The following ZNF566 variants were observed in gnomAD, a reference collection of about 807,000 sequenced individuals.
ZNF566 encodes the protein zinc finger protein 566.
ZNF566 carries 27 observed loss-of-function variants against 32.8 expected under a neutral mutation model. The ratio of observed to expected loss-of-function variants is 0.82; its 90% CI spans 0.61 to 1.14. ZNF566 has a LOEUF of 1.14. ZNF566 is among the 50% of genes most tolerant of loss of function. The probability of loss-of-function intolerance (pLI) is 0.00; values close to 1 mark genes in which losing one functional copy is unlikely to be tolerated. For missense variants in ZNF566, 402 were observed against 490.4 expected (o/e 0.82, Z 1.70); for synonymous variants, 154 against 159.5 (o/e 0.97, Z 0.26).
intron 4 of ZNF566, among the ~76,000 whole-genome samples, chr19:36,455,350 A>C (rs548282909): frequency 2.0e-5 from 3 of 152,230 alleles, no homozygotes; most frequent in Admixed American, 1.3e-4. Flanking sequence ...ATAGTACCAA[A>C]AGTCCTTTTC....
chr19:36,455,467 T>C (rs1251161515), intron 4 of ZNF566, among the ~76,000 whole-genome samples: 2 of 152,106 alleles, frequency 1.3e-5, no homozygotes, highest in Non-Finnish European at 2.9e-5. Flanking sequence ...TATTTGCAAC[T>C]CAGTGTGCTC....
chr19:36,447,574 CTA>C lies in ZNF566; in HGVS notation c.*1401_*1402del, dbSNP rs1257336121. On this transcript the variant is annotated 3_prime_UTR_variant, in exon 5 of 5. Coordinates refer to ENST00000452939, the MANE Select transcript of ZNF566 (RefSeq NM_001145344.1). ...TCAACAGAACCTTTTAAATCTGTAA[CTA>C]TGTTTCTATCTCTGTCCATTTTTTA... The C allele has an allele frequency of 2.0e-5, 3 of 152,144 alleles. No individual in the cohort carries two copies. Among genetic ancestry groups the C allele is most frequent in the Admixed American group, 2.0e-4 (3 of 15,262 alleles). 9.4% of individuals were successfully genotyped at this position (152,144 alleles called of 1,614,324 possible).
intron 4 of ZNF566, among the ~76,000 whole-genome samples, chr19:36,454,048 C>T (rs1010471841): frequency 3.3e-5 from 5 of 152,032 alleles, no homozygotes; most frequent in Admixed American, 3.3e-4. Context: ...TGGTTTCCAA[C>T]TCCTGACCTC....
chr19:36,457,723 C>A (rs1157908955), intron 4 of ZNF566, among the ~76,000 whole-genome samples: 1 of 152,128 alleles, frequency 6.6e-6, no homozygotes, highest in Non-Finnish European at 1.5e-5. Context: ...GAAATCCCAT[C>A]TCTACTAAAA....
chr19:36,466,061 A>C (rs1460792001), intron 4 of ZNF566, among the ~76,000 whole-genome samples: 1 of 152,080 alleles, frequency 6.6e-6, no homozygotes, highest in Non-Finnish European at 1.5e-5. Context: ...ACTGAAAAAA[A>C]AAAGATGTAA....
At chr19:36,458,319 T>G (rs1192955732) in intron 4 of ZNF566, among the ~76,000 whole-genome samples, 2 of 152,190 alleles carry the variant, frequency 1.3e-5, no homozygotes, top group East Asian at 3.9e-4. Context: ...ACTGGAATAT[T>G]AAGACTTAAA....
At chr19:36,479,913 T>C (rs2033983687) in intron 1 of ZNF566, among the ~76,000 whole-genome samples, 1 of 152,172 alleles carries the variant, frequency 6.6e-6, no homozygotes, top group Non-Finnish European at 1.5e-5. Flanking sequence ...CCCAGGCTTG[T>C]CTTAAACTCT....
At chr19:36,480,282 T>TTTTTTCTTTTTC (rs1378989377) in intron 1 of ZNF566, among the ~76,000 whole-genome samples, 1 of 142,152 alleles carries the variant, frequency 7.0e-6, no homozygotes, top group South Asian at 2.2e-4. Flanking sequence ...CATGCAATTT[T>TTTTTTCTTTTTC]TTTTTCTTTT....
chr19:36,480,924 T>A (rs1213566197), intron 1 of ZNF566, among the ~76,000 whole-genome samples: 1 of 151,736 alleles, frequency 6.6e-6, no homozygotes, highest in East Asian at 2.0e-4. Flanking sequence ...ACGCCTGTAA[T>A]CCCAGCTACT....
At chr19:36,486,051 A>ATGG (rs2034155179) in intron 1 of ZNF566, among the ~76,000 whole-genome samples, 1 of 151,766 alleles carries the variant, frequency 6.6e-6, no homozygotes, top group African/African-American at 2.4e-5. Flanking sequence ...CTCCGTCTCA[A>ATGG]AGAATAAGAC....
At chr19:36,463,732 GTTTT>G (rs201770124) in intron 4 of ZNF566, among the ~76,000 whole-genome samples, 5 of 140,996 alleles carry the variant, frequency 3.5e-5, no homozygotes, top group Non-Finnish European at 7.8e-5. Flanking sequence ...CTTTTTTTGG[GTTTT>G]TTTTTTTGAG....
intron 1 of ZNF566, among the ~76,000 whole-genome samples, chr19:36,479,634 A>AGTTTTT (rs1024392846): frequency 1.8e-4 from 28 of 152,222 alleles, no homozygotes; most frequent in African/African-American, 5.8e-4. Context: ...AAATGAACAC[A>AGTTTTT]GTTTTTGTTT....
Position 36,487,146 on chromosome 19 carries a change from A to G in ZNF566, c.-60+2340T>C, listed in dbSNP as rs188758067. Among the ~76,000 whole-genome samples the G allele has an allele frequency of 3.3e-4, 50 of 152,018 alleles. 1 individual carries two copies. Among genetic ancestry groups the G allele is most frequent in the Non-Finnish European group, 1.2e-4 (8 of 67,946 alleles). Reference sequence around the variant, plus strand: ...ACAAAACAAACCAAAACAAAAACCTATGATGAAACTGCACCACACAACCAA... The same window carrying G: ...ACAAAACAAACCAAAACAAAAACCTGTGATGAAACTGCACCACACAACCAA... On this transcript the variant is annotated intron_variant, in intron 1 of 4. Transcript: ENST00000452939.
intron 4 of ZNF566, among the ~76,000 whole-genome samples, 157 bp from the exon 5 acceptor site, chr19:36,450,158 T>G (rs948707329): frequency 6.6e-6 from 1 of 152,114 alleles, no homozygotes; most frequent in African/African-American, 2.4e-5. Context: ...AGGGTAGTGA[T>G]TAGGAAAACA....
chr19:36,473,575 T>C, intron 2 of ZNF566, 117 bp from the exon 3 acceptor site: 1 of 943,626 alleles, frequency 1.1e-6, no homozygotes, highest in East Asian at 2.8e-5. Context: ...CATATGAATG[T>C]CTGGGAAGCA....
At chr19:36,457,489 T>TA (rs1568514002) in intron 4 of ZNF566, among the ~76,000 whole-genome samples, 1 of 151,822 alleles carries the variant, frequency 6.6e-6, no homozygotes, top group South Asian at 2.1e-4. Flanking sequence ...ATAACCCAAT[T>TA]AAAAAATGGG....
chr19:36,482,908 T>G (rs1017874610), intron 1 of ZNF566, among the ~76,000 whole-genome samples: 1 of 152,224 alleles, frequency 6.6e-6, no homozygotes, highest in African/African-American at 2.4e-5. Flanking sequence ...GTCGGTCTCC[T>G]TCTACAGCAA....
chr19:36,448,803 G>T lies in ZNF566; in HGVS notation c.*174C>A. The T allele has an allele frequency of 1.8e-6, 1 of 562,282 alleles. No individual in the cohort carries two copies. The highest frequency in any genetic ancestry group is 2.9e-6 in the Non-Finnish European group (1 of 339,100). The allele number at this position is 562,282 out of a possible 1,614,324, so 34.8% of individuals were successfully genotyped here. ...AAGCGTTTAGTTAAGGGCTTCCAAAGTATATTCTATTCATAGAGTATTTCT... is the reference window on the plus strand; with the variant it reads ...AAGCGTTTAGTTAAGGGCTTCCAAATTATATTCTATTCATAGAGTATTTCT... On this transcript the variant is annotated 3_prime_UTR_variant, in exon 5 of 5. Coordinates refer to ENST00000452939, the MANE Select transcript of ZNF566 (RefSeq NM_001145344.1).
intron 4 of ZNF566, among the ~76,000 whole-genome samples, chr19:36,456,842 G>A (rs1038963163): frequency 1.1e-4 from 17 of 152,252 alleles, no homozygotes; most frequent in African/African-American, 4.1e-4. Context: ...CACATTCAGT[G>A]GAATCCCTAA....
Sources: gnomAD v4.1 joint callset for allele counts (sites outside exome capture counted in the v4.1 genomes callset) on GRCh38, gnomAD v4.1.1 for gene constraint, MANE v1.5 for transcripts, NCBI Gene and HGNC (gene_info 2026-07-23, HGNC 2026-07-21) for gene names.